The following ARHGAP21 variants were observed in gnomAD, a reference collection of about 807,000 sequenced individuals.
The protein encoded by ARHGAP21 is Rho GTPase activating protein 21, also known as rho GTPase-activating protein 21.
A neutral mutation model predicts 164.6 loss-of-function variants in ARHGAP21; 38 were observed. That is an observed-to-expected ratio of 0.23 (90% CI 0.18 to 0.30). The LOEUF is 0.30. ARHGAP21 is among the 10% of genes least tolerant of loss of function. The probability of loss-of-function intolerance (pLI) is 1.00; values close to 1 mark genes in which losing one functional copy is unlikely to be tolerated. For missense variants in ARHGAP21, 1,822 were observed against 2,370.7 expected (o/e 0.77, Z 4.81); for synonymous variants, 766 against 857.9 (o/e 0.89, Z 1.87).
intron 2 of ARHGAP21, among the ~76,000 whole-genome samples, chr10:24,679,799 A>G (rs552907283): frequency 1.3e-5 from 2 of 152,232 alleles, no homozygotes; most frequent in Non-Finnish European, 2.9e-5. Context: ...TTTAATCTAA[A>G]TATTTTAAGT....
rs2076779469 is a variant in ARHGAP21, at chr10:24,600,698, T to C, written c.3080A>G (p.Asp1027Gly). The C allele has an allele frequency of 3.7e-6, 6 of 1,613,976 alleles. No individual in the cohort carries two copies. Among genetic ancestry groups the C allele is most frequent in the Non-Finnish European group, 5.1e-6 (6 of 1,179,860 alleles). ...ECLFQAEDRD[D>G]MLAWIKTIQE... is the part of the protein sequence containing the mutation. ...GATCGTCTTGATCCAAGCTAGCATA[T>C]CATCTCTGTCTTCAGCCTGAAACAG... The change falls in exon 14 of 26, where the codon GAT (aspartate) becomes GGT (glycine). Residue 1027 changes from aspartate (D) to glycine (G), a missense_variant. This residue lies in a region of ARHGAP21 where 1,090 missense variants were observed against 1,378.9 expected (regional missense o/e 0.79). Coordinates refer to ENST00000396432, the MANE Select transcript of ARHGAP21 (RefSeq NM_020824.4).
chr10:24,639,572 G>T (rs1002222558), intron 4 of ARHGAP21, among the ~76,000 whole-genome samples: 2 of 152,094 alleles, frequency 1.3e-5, no homozygotes, highest in Non-Finnish European at 2.9e-5. Context: ...AATAAATACT[G>T]GTTGAAAGGA....
chr10:24,620,784 C>G lies in ARHGAP21; in HGVS notation c.1111G>C (p.Val371Leu), dbSNP rs773439733. 9.9e-6 allele frequency: 16 copies of G among 1,614,154 alleles called. No individual in the cohort carries two copies. Among genetic ancestry groups the G allele is most frequent in the Non-Finnish European group, 1.3e-5 (15 of 1,180,024 alleles). The change falls in exon 9 of 26, where the codon GTA (valine) becomes CTA (leucine). Residue 371 changes from valine to leucine, a missense_variant. By Grantham distance (32) the Val-to-Leu change is conservative. Transcript: ENST00000396432. ...SRSQAVEAPS[V>L]SVNHYSPNSH... ...TTTGGCGAATAGTGATTAACAGATA[C>G]AGAGGGAGCCTCCACAGCTTGAGAT...
chr10:24,591,391 A>G, intron 23 of ARHGAP21, 61 bp from the exon 24 acceptor site: 1 of 1,438,732 alleles, frequency 7.0e-7, no homozygotes, highest in Non-Finnish European at 9.7e-7. Flanking sequence ...TTTAAAATTT[A>G]AACAACATTT....
At chr10:24,720,160 T>C (rs1021098450) in intron 2 of ARHGAP21, among the ~76,000 whole-genome samples, 1 of 142,854 alleles carries the variant, frequency 7.0e-6, no homozygotes, top group Non-Finnish European at 1.5e-5. Flanking sequence ...TCATTGTTAA[T>C]AAAAGCCAAG....
rs760349763 is a variant in ARHGAP21 at position 24,621,267 on chromosome 10, C to T, written c.628G>A (p.Ala210Thr). ...ACTGGCTGTGCCATGGCTGATGGGG[C>T]AGATGGCAGCCAGGGATAGCAGATT... is the stretch of plus-strand genomic sequence containing the variant. ...PPICYPWLPSAPSAMAQPVEI... is the reference protein window; with the variant it reads ...PPICYPWLPSTPSAMAQPVEI... The change falls in exon 9 of 26, where the codon GCC becomes ACC. Residue 210 changes from alanine (A) to threonine (T), a missense_variant. By Grantham distance (58) the Ala-to-Thr change is moderately conservative. Transcript: ENST00000396432. The T allele has an allele frequency of 1.9e-6, 3 of 1,613,736 alleles. No homozygotes were observed. In the African/African-American group the frequency reaches 4.0e-5, roughly 22 times the overall value.
chr10:24,649,547 C>T (rs1837944366), intron 4 of ARHGAP21, among the ~76,000 whole-genome samples: 1 of 152,128 alleles, frequency 6.6e-6, no homozygotes, highest in Admixed American at 6.5e-5. Context: ...TGGCCATGGG[C>T]TAAACTGCAC....
chr10:24,707,592 C>A (rs796566167), intron 2 of ARHGAP21, among the ~76,000 whole-genome samples: 1 of 152,136 alleles, frequency 6.6e-6, no homozygotes, highest in East Asian at 1.9e-4. Context: ...CTGAATTCAT[C>A]ACCTTCCCTC....
At chr10:24,672,306 T>A (rs986114800) in intron 2 of ARHGAP21, among the ~76,000 whole-genome samples, 15 of 152,080 alleles carry the variant, frequency 9.9e-5, no homozygotes, top group African/African-American at 3.4e-4. Context: ...ACCTCCTCCT[T>A]CTTGAAGAAT....
intron 9 of ARHGAP21, among the ~76,000 whole-genome samples, chr10:24,617,599 A>G (rs918760098): frequency 6.6e-6 from 1 of 151,986 alleles, no homozygotes; most frequent in Non-Finnish European, 1.5e-5. Context: ...CAACTTGAAT[A>G]TATCCGATTT....
intron 2 of ARHGAP21, among the ~76,000 whole-genome samples, chr10:24,675,257 G>A (rs933320067): frequency 9.2e-5 from 14 of 152,120 alleles, no homozygotes; most frequent in Non-Finnish European, 2.1e-4. Context: ...ATAAACTATT[G>A]ATATATGTAG....
At chr10:24,663,852 G>A (rs887164049) in intron 4 of ARHGAP21, among the ~76,000 whole-genome samples, 1 of 152,152 alleles carries the variant, frequency 6.6e-6, no homozygotes, top group Non-Finnish European at 1.5e-5. Flanking sequence ...GTTGTGGGGG[G>A]GCTGCCCTGT....
At chr10:24,641,400 CAGCT>C (rs1166021215) in intron 4 of ARHGAP21, among the ~76,000 whole-genome samples, 1 of 152,122 alleles carries the variant, frequency 6.6e-6, no homozygotes, top group African/African-American at 2.4e-5. Context: ...TTGCAGGTGA[CAGCT>C]AGCACTTTAA....
At chr10:24,644,707 T>C (rs1005023154) in intron 4 of ARHGAP21, among the ~76,000 whole-genome samples, 5 of 152,222 alleles carry the variant, frequency 3.3e-5, no homozygotes, top group African/African-American at 1.2e-4. Flanking sequence ...CTCCTCCTGG[T>C]TGTCCTCAGA....
chr10:24,643,386 A>T (rs1238300149), intron 4 of ARHGAP21, among the ~76,000 whole-genome samples: 1 of 152,178 alleles, frequency 6.6e-6, no homozygotes, highest in Non-Finnish European at 1.5e-5. Context: ...ATGGTGCTCT[A>T]ACCAACTATC....
At chr10:24,628,900 T>TACAC (rs1399775138) in intron 7 of ARHGAP21, 1 of 74,194 alleles carries the variant, frequency 1.3e-5, no homozygotes, top group Non-Finnish European at 2.7e-5. Context: ...TATACATACA[T>TACAC]ATATACACAT....
chr10:24,689,508 G>A (rs952399493), intron 2 of ARHGAP21, among the ~76,000 whole-genome samples: 1 of 152,122 alleles, frequency 6.6e-6, no homozygotes, highest in Admixed American at 6.6e-5. Flanking sequence ...GGGAGGCCAA[G>A]GTGGGCGGAT....
At chr10:24,683,354 A>G (rs1841949082) in intron 2 of ARHGAP21, among the ~76,000 whole-genome samples, 1 of 152,142 alleles carries the variant, frequency 6.6e-6, no homozygotes, top group South Asian at 2.1e-4. Context: ...GGTTTCATGT[A>G]TGGATTATTT....
intron 4 of ARHGAP21, among the ~76,000 whole-genome samples, chr10:24,655,806 G>C (rs1260807556): frequency 2.9e-5 from 4 of 138,976 alleles, no homozygotes; most frequent in Non-Finnish European, 6.3e-5. Context: ...TCTAGGAAGT[G>C]AGGAGCGTCT....
Sources: gnomAD v4.1 joint callset for allele counts (sites outside exome capture counted in the v4.1 genomes callset) on GRCh38, gnomAD v4.1.1 for gene constraint, gnomAD v4.1.1 regional missense constraint, MANE v1.5 for transcripts, NCBI Gene and HGNC (gene_info 2026-07-23, HGNC 2026-07-21) for gene names.